Variants in ZNF420 observed in about 807,000 individuals in gnomAD.
The protein encoded by ZNF420 is zinc finger protein 420.
ZNF420 carries 31 observed loss-of-function variants against 44.7 expected under a neutral mutation model. That is an observed-to-expected ratio of 0.69 (90% CI 0.52 to 0.94). ZNF420 has a LOEUF of 0.94. ZNF420 is among the 40% of genes least tolerant of loss of function. ZNF420 has a pLI of 0.00. For synonymous variants in ZNF420, 245 were observed against 267.4 expected (o/e 0.92, Z 0.82); for missense variants, 681 against 827.9 (o/e 0.82, Z 2.18).
At chr19:37,089,720 T>G (rs141722495) in intron 3 of ZNF420, among the ~76,000 whole-genome samples, 2 of 152,354 alleles carry the variant, frequency 1.3e-5, no homozygotes, top group East Asian at 3.9e-4. Context: ...AAGTTACATT[T>G]ACGGATGAAT....
At chr19:37,043,096 C>T (rs142516249) in intron 1 of ZNF420, among the ~76,000 whole-genome samples, 75 of 152,258 alleles carry the variant, frequency 4.9e-4, no homozygotes, top group African/African-American at 1.7e-3. Context: ...TCAAAGACCA[C>T]CTATCACAGA....
At chr19:37,081,927 A>G (rs1968488324) in intron 2 of ZNF420, among the ~76,000 whole-genome samples, 1 of 152,018 alleles carries the variant, frequency 6.6e-6, no homozygotes, top group African/African-American at 2.4e-5. Context: ...TGACCCCTTT[A>G]TCATTAGGAA....
intron 1 of ZNF420, among the ~76,000 whole-genome samples, chr19:37,060,073 G>C (rs996893840): frequency 6.6e-6 from 1 of 152,040 alleles, no homozygotes; most frequent in African/African-American, 2.4e-5. Flanking sequence ...GTTGCACTTC[G>C]GGTTTTTGAA....
intron 4 of ZNF420, among the ~76,000 whole-genome samples, chr19:37,121,325 T>C (rs1373002422): frequency 2.0e-5 from 3 of 146,870 alleles, no homozygotes; most frequent in Admixed American, 6.8e-5. Context: ...ATGCCGCATA[T>C]CTACAACTAT....
intron 1 of ZNF420, among the ~76,000 whole-genome samples, chr19:37,040,776 T>A (rs1967438810): frequency 6.6e-6 from 1 of 152,246 alleles, no homozygotes; most frequent in South Asian, 2.1e-4. Context: ...ACTATTGTTT[T>A]GTGGGTGTAC....
chr19:37,019,035 TA>T (rs146055512), intron 1 of ZNF420, among the ~76,000 whole-genome samples: 3,737 of 151,888 alleles, frequency 0.025, 84 homozygotes, highest in East Asian at 0.079. Flanking sequence ...TCATGAAAAG[TA>T]AAAAAGAAGT....
At chr19:37,125,579 A>G (rs760457861) in intron 4 of ZNF420, among the ~76,000 whole-genome samples, 1 of 152,176 alleles carries the variant, frequency 6.6e-6, no homozygotes, top group Non-Finnish European at 1.5e-5. Flanking sequence ...GGGTGGATAC[A>G]TGATTTGTGT....
chr19:37,050,431 T>C (rs911497793), intron 1 of ZNF420, among the ~76,000 whole-genome samples: 2 of 152,182 alleles, frequency 1.3e-5, no homozygotes, highest in East Asian at 1.9e-4. Flanking sequence ...AGGTCCTTCA[T>C]GTCCCTTGTA....
At position 37,127,623 on chromosome 19, in the gene ZNF420, T is replaced by C; in HGVS notation, c.632T>C (p.Ile211Thr). 8 of 1,613,122 alleles carry C rather than the reference T, an allele frequency of 5.0e-6. No homozygotes were observed. The highest frequency in any genetic ancestry group is 6.8e-6 in the Non-Finnish European group (8 of 1,179,700). Residue 211 changes from isoleucine (I) to threonine (T), a missense_variant, in exon 5 of 5, where the codon ATT becomes ACT. Coordinates refer to ENST00000337995, the MANE Select transcript of ZNF420 (RefSeq NM_144689.5). Reference protein sequence around the residue: ...GKAFTQSSQLILHHRIHTGEK... With the variant: ...GKAFTQSSQLTLHHRIHTGEK... ...GCCTTTACTCAAAGCTCACAACTTATTTTACATCATAGAATTCATACTGGT... is the reference window on the plus strand; with the variant it reads ...GCCTTTACTCAAAGCTCACAACTTACTTTACATCATAGAATTCATACTGGT...
rs544776844 is a variant in ZNF420, at chr19:37,054,477, T to A, written c.-124-25868T>A. Among the ~76,000 whole-genome samples, 5 of 152,366 alleles carry A rather than the reference T, an allele frequency of 3.3e-5. No individual in the cohort carries two copies. In the South Asian group the frequency reaches 1.0e-3, roughly 32 times the overall value. On this transcript the variant is annotated intron_variant, in intron 1 of 4. Coordinates refer to the ZNF420 transcript ENST00000587029. ...TGCTGGGAGCTCTAGACTGGAGCTG[T>A]TCCTATTCAGCCATCTTGGCTCCAC...
At chr19:37,013,580 G>C (rs2074588045) in intron 1 of ZNF420, among the ~76,000 whole-genome samples, 1 of 152,164 alleles carries the variant, frequency 6.6e-6, no homozygotes, top group Non-Finnish European at 1.5e-5. Context: ...GGGACAGATG[G>C]AATCTCCGGA....
chr19:37,080,003 TA>T (rs933319311), intron 1 of ZNF420, among the ~76,000 whole-genome samples: 1 of 151,880 alleles, frequency 6.6e-6, no homozygotes, highest in Admixed American at 6.6e-5. Flanking sequence ...TCTAAATAAA[TA>T]AATAAATAGG....
intron 2 of ZNF420, among the ~76,000 whole-genome samples, chr19:37,087,330 TAAATAAAA>T (rs1968874576): frequency 6.8e-6 from 1 of 146,150 alleles, no homozygotes; most frequent in South Asian, 2.2e-4. Flanking sequence ...AATAAATAAA[TAAATAAAA>T]ATTAAGAGCT....
chr19:37,012,738 T>G (rs1298780361), intron 1 of ZNF420, among the ~76,000 whole-genome samples: 1 of 148,564 alleles, frequency 6.7e-6, no homozygotes, highest in African/African-American at 2.5e-5. Context: ...CCTGGGGGGG[T>G]GTGCTTCTGT....
At chr19:37,041,310 C>A (rs77019247) in intron 1 of ZNF420, among the ~76,000 whole-genome samples, 50 of 132,642 alleles carry the variant, frequency 3.8e-4, no homozygotes, top group Admixed American at 6.2e-4. Context: ...AACACTATCT[C>A]AAAAAAAAAA....
chr19:37,045,448 TTATC>T (rs1337173020), intron 1 of ZNF420, among the ~76,000 whole-genome samples: 1 of 152,204 alleles, frequency 6.6e-6, no homozygotes, highest in African/African-American at 2.4e-5. Context: ...TGGGGCAAAA[TTATC>T]TAAGGAAAGT....
rs73620836 is a variant in ZNF420 at position 37,130,120 on chromosome 19, G to T, written c.*1062G>T. On this transcript the variant is annotated 3_prime_UTR_variant, in exon 5 of 5. Coordinates refer to ENST00000337995, the MANE Select transcript of ZNF420 (RefSeq NM_144689.5). ...ATCCATTTTTCCTGTCTTTTTTTCC[G>T]TGCCTACAATGTGGACATCTAAGCT... is the stretch of plus-strand genomic sequence containing the variant. 6.5e-7 allele frequency: 1 copy of T among 1,549,490 alleles called. No homozygotes were observed. The highest frequency in any genetic ancestry group is 1.2e-5 in the South Asian group (1 of 84,018).
upstream of ZNF420, among the ~76,000 whole-genome samples, chr19:37,075,993 CTGA>C (rs1968141249): frequency 8.4e-6 from 1 of 119,264 alleles, no homozygotes; most frequent in African/African-American, 3.6e-5. Context: ...GTCTACGTTT[CTGA>C]TGGTCTTAAC....
At chr19:37,081,132 A>G (rs1418041243) in intron 2 of ZNF420, among the ~76,000 whole-genome samples, 1 of 151,662 alleles carries the variant, frequency 6.6e-6, no homozygotes, top group Non-Finnish European at 1.5e-5. Flanking sequence ...ATCCTTTCTA[A>G]TTTGCCCCTT....
Sources: gnomAD v4.1 joint callset for allele counts (sites outside exome capture counted in the v4.1 genomes callset) on GRCh38, gnomAD v4.1.1 for gene constraint, MANE v1.5 for transcripts, NCBI Gene and HGNC (gene_info 2026-07-23, HGNC 2026-07-21) for gene names.